CDH13: variants seen among roughly 807,000 people sequenced by gnomAD.
CDH13 encodes cadherin-13.
CDH13 carries 24 observed loss-of-function variants against 63.8 expected under a neutral mutation model. The observed-to-expected ratio is 0.38, with a 90% CI of 0.27 to 0.53. The LOEUF is 0.53. Ranked by LOEUF, CDH13 falls within the 20% of genes least tolerant of loss-of-function variation. The pLI is 0.85. For missense variants in CDH13, 1,049 were observed against 903.1 expected, an observed-to-expected ratio of 1.16 and a Z score of -2.07; for synonymous variants, 503 against 355.3, an observed-to-expected ratio of 1.42 and a Z score of -4.67.
At chr16:83,160,537 G>A (rs1482164736) in intron 4 of CDH13, among the ~76,000 whole-genome samples, 4 of 152,116 alleles carry the variant, frequency 2.6e-5, no homozygotes, top group Non-Finnish European at 5.9e-5. Flanking sequence ...TATGGACGTA[G>A]ATCAAAGGGC....
At chr16:82,933,004 A>G (rs1010343576) in intron 2 of CDH13, among the ~76,000 whole-genome samples, 1 of 152,156 alleles carries the variant, frequency 6.6e-6, no homozygotes, top group Admixed American at 6.5e-5. Flanking sequence ...ATATTGACTT[A>G]CCAATTTCAT....
At chr16:83,462,258 A>G (rs1387772698) in intron 6 of CDH13, among the ~76,000 whole-genome samples, 2 of 152,216 alleles carry the variant, frequency 1.3e-5, no homozygotes, top group Admixed American at 6.5e-5. Context: ...AAGGGAAGCA[A>G]TGCTGTGGCT....
At chr16:82,737,128 A>T (rs191550525) in intron 1 of CDH13, among the ~76,000 whole-genome samples, 42 of 152,154 alleles carry the variant, frequency 2.8e-4, no homozygotes, top group Admixed American at 9.8e-4. Flanking sequence ...TAAGCCTTGA[A>T]CCCTCTAGAA....
chr16:83,127,360 G>C (rs1291491327), intron 4 of CDH13, among the ~76,000 whole-genome samples: 1 of 152,192 alleles, frequency 6.6e-6, no homozygotes, highest in Admixed American at 6.5e-5. Context: ...CAGAGCAGTA[G>C]AGAGGAGTGG....
chr16:82,716,146 G>A (rs1355739304), intron 1 of CDH13, among the ~76,000 whole-genome samples: 1 of 152,204 alleles, frequency 6.6e-6, no homozygotes, highest in Non-Finnish European at 1.5e-5. Flanking sequence ...CTGCCAGAGA[G>A]CCATGGCACT....
chr16:83,676,066 C>A (rs891799468), intron 9 of CDH13, among the ~76,000 whole-genome samples: 3 of 152,016 alleles, frequency 2.0e-5, no homozygotes, highest in African/African-American at 7.3e-5. Flanking sequence ...AATGACATCC[C>A]CAGGAAAGAA....
intron 2 of CDH13, among the ~76,000 whole-genome samples, chr16:82,943,498 A>C (rs1253362470): frequency 1.3e-5 from 2 of 152,240 alleles, no homozygotes; most frequent in African/African-American, 4.8e-5. Context: ...GATTATTCGC[A>C]TAAGACCCTG....
At chr16:83,748,011 T>A (rs1912747417) in intron 10 of CDH13, 97 bp from the exon 11 acceptor site, 10 of 1,325,222 alleles carry the variant, frequency 7.5e-6, no homozygotes, top group Non-Finnish European at 9.7e-6. Context: ...TTACCTAGGA[T>A]CCAGCACCTA....
intron 1 of CDH13, among the ~76,000 whole-genome samples, chr16:82,651,007 T>C (rs988322449): frequency 6.6e-6 from 1 of 152,214 alleles, no homozygotes; most frequent in Non-Finnish European, 1.5e-5. Context: ...TCTTTACCTG[T>C]CATGTGGTTT....
intron 6 of CDH13, among the ~76,000 whole-genome samples, chr16:83,456,854 C>G (rs1356654722): frequency 6.6e-6 from 1 of 152,126 alleles, no homozygotes; most frequent in Non-Finnish European, 1.5e-5. Context: ...CCCAGCTACT[C>G]AGGAGGCTGA....
At chr16:83,719,373 C>A (rs1344317019) in intron 10 of CDH13, among the ~76,000 whole-genome samples, 1 of 152,118 alleles carries the variant, frequency 6.6e-6, no homozygotes. Context: ...CCCACTGTCT[C>A]CAATTTCTGC....
chr16:83,289,883 C>A (rs1332330842), intron 5 of CDH13, among the ~76,000 whole-genome samples: 1 of 152,160 alleles, frequency 6.6e-6, no homozygotes, highest in South Asian at 2.1e-4. Context: ...GTACTTTCAT[C>A]CAGCTGGATG....
At chr16:82,717,510 T>TAGAGG (rs1351276427) in intron 1 of CDH13, among the ~76,000 whole-genome samples, 43 of 151,842 alleles carry the variant, frequency 2.8e-4, no homozygotes, top group Admixed American at 2.8e-3. Flanking sequence ...GCAACTTGTT[T>TAGAGG]CAATGGGCTA....
chr16:82,636,353 T>A (rs16957910), intron 1 of CDH13, among the ~76,000 whole-genome samples: 5,946 of 151,856 alleles, frequency 0.039, 245 homozygotes, highest in African/African-American at 0.1. Context: ...TGCATTACAG[T>A]ATTGCCAGCA....
intron 6 of CDH13, among the ~76,000 whole-genome samples, chr16:83,415,737 T>G (rs2151463156): frequency 6.6e-6 from 1 of 151,600 alleles, no homozygotes; most frequent in Middle Eastern, 3.4e-3. Context: ...AAACTAGGAA[T>G]AGAAGGAAAG....
intron 4 of CDH13, among the ~76,000 whole-genome samples, chr16:83,181,303 G>A (rs1452427072): frequency 2.0e-5 from 3 of 152,150 alleles, no homozygotes; most frequent in Non-Finnish European, 4.4e-5. Context: ...AGAATCAAGC[G>A]AATTCCCATC....
At chr16:83,779,405 T>TAAAAAAA (rs1174439191) in intron 11 of CDH13, among the ~76,000 whole-genome samples, 5,144 of 67,710 alleles carry the variant, frequency 0.076, 2,062 homozygotes, top group Non-Finnish European at 0.083. Flanking sequence ...AGACTCCATC[T>TAAAAAAA]CAAAAAAAAA....
intron 5 of CDH13, among the ~76,000 whole-genome samples, chr16:83,240,717 C>CTTTTTTTTTTTTTTTTTTTT (rs56753707): frequency 1.2e-5 from 1 of 81,658 alleles, no homozygotes; most frequent in Non-Finnish European, 2.0e-5. Flanking sequence ...CTGTCTTAAT[C>CTTTTTTTTTTTTTTTTTTTT]TTTTTTTTTT....
chr16:83,748,747 A>T (rs1912820791), intron 11 of CDH13, among the ~76,000 whole-genome samples: 1 of 152,172 alleles, frequency 6.6e-6, no homozygotes, highest in South Asian at 2.1e-4. Flanking sequence ...CGTTCAAAAG[A>T]TGGTAATGCA....
Sources: allele counts gnomAD v4.1 joint callset (sites outside exome capture counted in the v4.1 genomes callset), GRCh38; gene constraint gnomAD v4.1.1; transcripts MANE v1.5; gene names NCBI Gene and HGNC (gene_info 2026-07-23, HGNC 2026-07-21).